The following PSMG2 variants were observed in gnomAD, a reference collection of about 807,000 sequenced individuals.
PSMG2 encodes the protein CD40 ligand-activated specific transcript 3.
A neutral mutation model predicts 31.5 loss-of-function variants in PSMG2; 21 were observed. That is an observed-to-expected ratio of 0.67 (90% CI 0.47 to 0.96). PSMG2 has a LOEUF of 0.96. Ranked by LOEUF, PSMG2 falls within the 40% of genes least tolerant of loss-of-function variation. The probability of loss-of-function intolerance (pLI) is 0.00; values close to 1 mark genes in which losing one functional copy is unlikely to be tolerated. For missense variants in PSMG2, 318 were observed against 321.2 expected (o/e 0.99, Z 0.08); for synonymous variants, 120 against 110.4 (o/e 1.09, Z -0.54).
At chr18:12,687,586 G>A (rs1190845618) in intron 1 of PSMG2, among the ~76,000 whole-genome samples, 1 of 151,462 alleles carries the variant, frequency 6.6e-6, no homozygotes, top group South Asian at 2.1e-4. Context: ...CTGAGTAGCT[G>A]GGATTACAGG....
intron 1 of PSMG2, among the ~76,000 whole-genome samples, chr18:12,673,920 C>T (rs1277841942): frequency 1.3e-5 from 2 of 152,092 alleles, no homozygotes; most frequent in Non-Finnish European, 2.9e-5. Context: ...AATTCTGTCT[C>T]TGCTATCAAA....
intron 1 of PSMG2, chr18:12,674,467 A>G: frequency 2.5e-6 from 3 of 1,214,206 alleles, no homozygotes; most frequent in Non-Finnish European, 3.5e-6. Flanking sequence ...AGGAAATTAA[A>G]AAAACCCCTG....
chr18:12,699,247 TAAA>T (rs780142888), upstream of PSMG2: 5 of 1,294,844 alleles, frequency 3.9e-6, no homozygotes, highest in Non-Finnish European at 5.5e-6. Context: ...CCAAATAACT[TAAA>T]AGAATGTGAT....
intron 1 of PSMG2, among the ~76,000 whole-genome samples, chr18:12,694,599 A>C (rs2039881567): frequency 2.0e-5 from 3 of 152,262 alleles, no homozygotes; most frequent in African/African-American, 7.2e-5. Flanking sequence ...CAGAGCAGAA[A>C]AGACATAAGC....
At chr18:12,723,153 T>C (rs563785553) in intron 5 of PSMG2, among the ~76,000 whole-genome samples, 9 of 152,360 alleles carry the variant, frequency 5.9e-5, no homozygotes, top group African/African-American at 2.2e-4. Context: ...TCGGTGCCTT[T>C]CCTTCCTTAG....
chr18:12,713,852 C>T (rs1214588791), intron 3 of PSMG2, among the ~76,000 whole-genome samples: 2 of 152,018 alleles, frequency 1.3e-5, no homozygotes, highest in Non-Finnish European at 2.9e-5. Context: ...CTCTGCCGTC[C>T]TGGGTTCAAG....
intron 1 of PSMG2, chr18:12,680,765 A>C: frequency 6.2e-7 from 1 of 1,613,896 alleles, no homozygotes; most frequent in Non-Finnish European, 8.5e-7. Context: ...ACACAAACAA[A>C]GGCTTCTAAT....
chr18:12,685,546 A>C (rs2039510939), intron 1 of PSMG2: 1 of 152,190 alleles, frequency 6.6e-6, no homozygotes, highest in African/African-American at 2.4e-5. Context: ...CAAGGTTCTG[A>C]CGTGGTCAAG....
upstream of PSMG2, among the ~76,000 whole-genome samples, chr18:12,699,645 A>T (rs2145110611): frequency 6.6e-6 from 1 of 152,268 alleles, no homozygotes; most frequent in Middle Eastern, 3.4e-3. Flanking sequence ...TTTTGCTTCT[A>T]CCGTGCTATA....
chr18:12,671,953 T>TGGGATTACAGGTGTG (rs1410242591), intron 1 of PSMG2, among the ~76,000 whole-genome samples: 1 of 151,818 alleles, frequency 6.6e-6, no homozygotes, highest in African/African-American at 2.4e-5. Context: ...CCTGAGTAGC[T>TGGGATTACAGGTGTG]AGACTACAGG....
chr18:12,699,301 A>G, upstream of PSMG2: 2 of 814,170 alleles, frequency 2.5e-6, no homozygotes, highest in East Asian at 2.6e-5. Flanking sequence ...TAAAAACCCA[A>G]TACCAAAGAC....
chr18:12,683,806 A>G (rs182561988), intron 1 of PSMG2, among the ~76,000 whole-genome samples: 79 of 152,142 alleles, frequency 5.2e-4, no homozygotes, highest in African/African-American at 1.7e-3. Flanking sequence ...AAAAATGTTC[A>G]TAGCATAATG....
chr18:12,722,315 T>G (rs1287099234), intron 5 of PSMG2, among the ~76,000 whole-genome samples: 1 of 152,120 alleles, frequency 6.6e-6, no homozygotes, highest in South Asian at 2.1e-4. Context: ...AAATTTTAAG[T>G]CTACAGTTGC....
At chr18:12,697,915 TTAAATC>T (rs2040011607) in intron 1 of PSMG2, among the ~76,000 whole-genome samples, 1 of 152,198 alleles carries the variant, frequency 6.6e-6, no homozygotes, top group African/African-American at 2.4e-5. Flanking sequence ...TCAGTCATCT[TTAAATC>T]TAAAATTGTG....
At position 12,691,595 on chromosome 18, in the gene PSMG2, GTCA is replaced by G. The variant is rs539149681; in HGVS notation, c.-36-14946_-36-14944del. 2,567 of 729,650 alleles carry G rather than the reference GTCA, an allele frequency of 3.5e-3. 10 individuals are homozygous for G. Among genetic ancestry groups the G allele is most frequent in the Non-Finnish European group, 4.1e-3 (1,914 of 469,288 alleles). The allele number at this position is 729,650 out of a possible 1,614,324, so 45.2% of individuals were successfully genotyped here. ...CTACATCATTACCACCCTAATCTGAGTCATCATCATCTTCTATAAGAGCCTCCT... is the reference window on the plus strand; with the variant it reads ...CTACATCATTACCACCCTAATCTGAGTCATCATCTTCTATAAGAGCCTCCT... On this transcript the variant is annotated intron_variant, in intron 1 of 6. Coordinates refer to the PSMG2 transcript ENST00000585331.
intron 3 of PSMG2, among the ~76,000 whole-genome samples, chr18:12,717,186 T>C (rs948318): frequency 0.8 from 121,240 of 151,496 alleles, 49,005 homozygotes; most frequent in Non-Finnish European, 0.85. Context: ...TGGGCTCAAG[T>C]AGTCTGCCCA....
intron 3 of PSMG2, 51 bp downstream of exon 3, chr18:12,712,811 T>C: frequency 1.4e-6 from 2 of 1,388,418 alleles, no homozygotes; most frequent in Non-Finnish European, 2.0e-6. Flanking sequence ...AATGAGAAAA[T>C]AAGTAACATT....
chr18:12,702,828 C>T (rs2040205851), upstream of PSMG2: 4 of 563,320 alleles, frequency 7.1e-6, no homozygotes, highest in Non-Finnish European at 1.2e-5. Context: ...GCCGCTCCAC[C>T]TCCCCGCGGG....
chr18:12,693,547 G>A (rs2039842499), intron 1 of PSMG2, among the ~76,000 whole-genome samples: 1 of 152,134 alleles, frequency 6.6e-6, no homozygotes, highest in African/African-American at 2.4e-5. Flanking sequence ...CACTTTGGGA[G>A]GCCGAGGCAG....
Sources: gnomAD v4.1 joint callset for allele counts (sites outside exome capture counted in the v4.1 genomes callset) on GRCh38, gnomAD v4.1.1 for gene constraint, MANE v1.5 for transcripts, NCBI Gene and HGNC (gene_info 2026-07-23, HGNC 2026-07-21) for gene names.